Variants in COL19A1 observed in about 807,000 individuals in gnomAD.
COL19A1 encodes collagen type XIX alpha 1 chain, also known as collagen alpha-1(XIX) chain.
COL19A1 carries 159 observed loss-of-function variants against 190.2 expected under a neutral mutation model. The ratio of observed to expected loss-of-function variants is 0.84; its 90% CI spans 0.73 to 0.95. The LOEUF is 0.95. Among genes scored for constraint, COL19A1 ranks in the 40% least tolerant of loss-of-function variants. The pLI is 0.00. For synonymous variants in COL19A1, 509 were observed against 458.9 expected (o/e 1.11, Z -1.39); for missense variants, 1,418 against 1,431.9 (o/e 0.99, Z 0.16).
At chr6:69,877,495 A>G (rs987723589) in intron 1 of COL19A1, among the ~76,000 whole-genome samples, 1 of 152,168 alleles carries the variant, frequency 6.6e-6, no homozygotes, top group African/African-American at 2.4e-5. Flanking sequence ...ACATAAGGCA[A>G]GATTACTTTT....
At chr6:69,884,145 GC>G (rs1427873356) in intron 2 of COL19A1, among the ~76,000 whole-genome samples, 9 of 151,984 alleles carry the variant, frequency 5.9e-5, no homozygotes, top group African/African-American at 2.2e-4. Context: ...GACCAGCCTG[GC>G]CAGCATGGTG....
At chr6:69,987,120 G>A (rs1171306888) in intron 11 of COL19A1, among the ~76,000 whole-genome samples, 2 of 151,952 alleles carry the variant, frequency 1.3e-5, no homozygotes, top group Non-Finnish European at 2.9e-5. Flanking sequence ...AAATCAAGAG[G>A]CATCATCCCA....
At chr6:69,925,070 G>A (rs1160255671) in intron 4 of COL19A1, among the ~76,000 whole-genome samples, 1 of 152,168 alleles carries the variant, frequency 6.6e-6, no homozygotes, top group African/African-American at 2.4e-5. Context: ...CTTTTGCTGT[G>A]CAGAAGTTCT....
intron 15 of COL19A1, among the ~76,000 whole-genome samples, 178 bp from the exon 16 acceptor site, chr6:70,101,991 G>A (rs902198672): frequency 8.6e-5 from 13 of 152,020 alleles, no homozygotes; most frequent in African/African-American, 2.9e-4. Context: ...TTCTCATTAT[G>A]GTCCTTAAAA....
At chr6:70,107,706 A>G (rs531810368) in intron 16 of COL19A1, among the ~76,000 whole-genome samples, 32 of 152,318 alleles carry the variant, frequency 2.1e-4, no homozygotes, top group African/African-American at 7.7e-4. Context: ...CACTTTGCAT[A>G]TGTCACACTT....
At chr6:70,163,620 A>G (rs530437740) in intron 36 of COL19A1, among the ~76,000 whole-genome samples, 2 of 152,218 alleles carry the variant, frequency 1.3e-5, no homozygotes, top group South Asian at 4.1e-4. Context: ...TATTGGTTCC[A>G]TAAAACAAAA....
chr6:69,892,524 C>A (rs1310144369), intron 2 of COL19A1, among the ~76,000 whole-genome samples: 1 of 152,164 alleles, frequency 6.6e-6, no homozygotes, highest in Non-Finnish European at 1.5e-5. Flanking sequence ...AAAAATACAG[C>A]AAGTATAATT....
chr6:70,052,819 A>G (rs955177465), intron 14 of COL19A1, among the ~76,000 whole-genome samples: 1 of 152,188 alleles, frequency 6.6e-6, no homozygotes, highest in Non-Finnish European at 1.5e-5. Context: ...AGAAGTAGAT[A>G]GAGTTTGGGG....
chr6:70,195,262 A>T (rs895280400), intron 48 of COL19A1, among the ~76,000 whole-genome samples: 1 of 151,142 alleles, frequency 6.6e-6, no homozygotes. Context: ...AGTTTGTAGG[A>T]TTTCCTCAGT....
intron 48 of COL19A1, among the ~76,000 whole-genome samples, chr6:70,191,851 T>C (rs1443997084): frequency 6.6e-6 from 1 of 152,164 alleles, no homozygotes; most frequent in African/African-American, 2.4e-5. Context: ...CAAGTCGATC[T>C]TGACTCCATT....
At chr6:69,988,246 T>C (rs1018830817) in intron 11 of COL19A1, among the ~76,000 whole-genome samples, 3 of 152,218 alleles carry the variant, frequency 2.0e-5, no homozygotes, top group Admixed American at 1.3e-4. Context: ...TTACATGTCA[T>C]TTCCTGTACT....
chr6:70,202,937 G>A (rs192179129), intron 49 of COL19A1, among the ~76,000 whole-genome samples: 2 of 152,146 alleles, frequency 1.3e-5, no homozygotes, highest in Non-Finnish European at 2.9e-5. Context: ...TTGGCTTCCT[G>A]CTGTGCCTTG....
intron 16 of COL19A1, among the ~76,000 whole-genome samples, chr6:70,108,506 G>A (rs994386059): frequency 3.3e-5 from 5 of 152,220 alleles, no homozygotes; most frequent in Non-Finnish European, 4.4e-5. Context: ...AAGGATGTCA[G>A]AGGAATGGAA....
chr6:70,193,314 T>C (rs1012019969), intron 48 of COL19A1, among the ~76,000 whole-genome samples: 11 of 152,160 alleles, frequency 7.2e-5, no homozygotes, highest in African/African-American at 2.7e-4. Context: ...AGGAGGCAGG[T>C]CAGGGGAGTT....
chr6:69,897,834 A>C (rs960683760), intron 2 of COL19A1, among the ~76,000 whole-genome samples: 5 of 152,170 alleles, frequency 3.3e-5, no homozygotes, highest in African/African-American at 1.2e-4. Context: ...CAGTGCTATA[A>C]TTTCACTTAC....
chr6:70,125,840 C>T (rs1785161385), intron 17 of COL19A1, among the ~76,000 whole-genome samples: 1 of 152,182 alleles, frequency 6.6e-6, no homozygotes, highest in Non-Finnish European at 1.5e-5. Context: ...AAAATCTGCT[C>T]ATGTTCCAGT....
chr6:70,095,211 T>A (rs1443857318), intron 15 of COL19A1, among the ~76,000 whole-genome samples: 1 of 152,236 alleles, frequency 6.6e-6, no homozygotes, highest in Non-Finnish European at 1.5e-5. Flanking sequence ...TTTCATTCAT[T>A]TTCATTGCTA....
chr6:70,022,379 A>G (rs1477886721), intron 11 of COL19A1, among the ~76,000 whole-genome samples: 3 of 152,208 alleles, frequency 2.0e-5, no homozygotes, highest in Admixed American at 1.3e-4. Context: ...GAGTAAAGTG[A>G]AGGAAAAAAA....
chr6:70,186,426 G>A (rs764533889), intron 46 of COL19A1, among the ~76,000 whole-genome samples: 3 of 152,262 alleles, frequency 2.0e-5, no homozygotes, highest in East Asian at 3.9e-4. Flanking sequence ...TAAGACAGTA[G>A]CATTGATACC....
Sources: gnomAD v4.1 joint callset for allele counts (sites outside exome capture counted in the v4.1 genomes callset) on GRCh38, gnomAD v4.1.1 for gene constraint, MANE v1.5 for transcripts, NCBI Gene and HGNC (gene_info 2026-07-23, HGNC 2026-07-21) for gene names.